The following DIS3L variants were observed in gnomAD, a reference collection of about 807,000 sequenced individuals.
DIS3L encodes DIS3-like exonuclease 1.
In DIS3L, 100 loss-of-function variants were observed where a neutral mutation model predicts 120.3. That is an observed-to-expected ratio of 0.83 (90% CI 0.71 to 0.98). The LOEUF is 0.98. Ranked by LOEUF, DIS3L falls within the 50% of genes least tolerant of loss-of-function variation. DIS3L has a pLI of 0.00. For missense variants in DIS3L, 1,196 were observed against 1,314.2 expected (o/e 0.91, Z 1.39); for synonymous variants, 426 against 470.6 (o/e 0.91, Z 1.23).
intron 12 of DIS3L, among the ~76,000 whole-genome samples, chr15:66,326,735 A>G (rs538566096): frequency 6.6e-6 from 1 of 152,012 alleles, no homozygotes; most frequent in East Asian, 1.9e-4. Context: ...ACACGCCACC[A>G]TGCCTGGCTA....
Position 66,325,989 on chromosome 15 carries a change from A to T in DIS3L, c.1826A>T (p.Glu609Val). The stretch of plus-strand genomic sequence containing the variant: ...TTAAGCGTTGTTGATGATATTCCAG[A>T]ATTCAAAGACTTGGATGAGAAGAGC... ...GNLSVVDDIP[E>V]FKDLDEKSRQ... The change falls in exon 12 of 17, where the codon GAA becomes GTA. Residue 609 changes from glutamate to valine, a missense_variant. By Grantham distance (121) the Glu-to-Val change is moderately radical. Coordinates refer to ENST00000319212, the MANE Select transcript of DIS3L (RefSeq NM_001143688.3). The T allele has an allele frequency of 1.2e-6, 2 of 1,614,192 alleles. No individual in the cohort carries two copies. The highest frequency in any genetic ancestry group is 1.7e-6 in the Non-Finnish European group (2 of 1,180,042).
chr15:66,300,599 A>G (rs573251342), intron 2 of DIS3L, among the ~76,000 whole-genome samples: 3 of 152,332 alleles, frequency 2.0e-5, no homozygotes, highest in Non-Finnish European at 4.4e-5. Flanking sequence ...CTCTAGAACT[A>G]GTGATAGATT....
At position 66,327,745 on chromosome 15, in the gene DIS3L, A is replaced by AAAAT. The variant is rs562993431; in HGVS notation, c.2202-1205_2202-1202dup. On this transcript the variant is annotated intron_variant, in intron 12 of 16. Coordinates refer to ENST00000319212, the MANE Select transcript of DIS3L (RefSeq NM_001143688.3). ...GGTGACAGAGCGAGACTCTGTCTCA[A>AAAAT]AAATAAATAAATAAATAAATAAAAA... 4.1e-3 allele frequency among the ~76,000 whole-genome samples: 630 copies of AAAAT among 152,104 alleles called. 2 individuals are homozygous for AAAAT. The highest frequency in any genetic ancestry group is 0.014 in the African/African-American group (570 of 41,466).
Position 66,314,103 on chromosome 15 carries a change from G to A in DIS3L, c.800G>A (p.Ser267Asn). 2.0e-6 allele frequency: 3 copies of A among 1,520,336 alleles called. No individual in the cohort carries two copies. Among genetic ancestry groups the A allele is most frequent in the Non-Finnish European group, 2.6e-6 (3 of 1,140,870 alleles). 94.2% of individuals were successfully genotyped at this position (1,520,336 alleles called of 1,614,324 possible). ...GCTTTTGTTCGACTTCAAGGAGCCA[G>A]CAGTAAAGATTCAGGTTCAGTATAA... ...IEAFVRLQGASSKDSDLVSDI... is the reference protein window; with the variant it reads ...IEAFVRLQGANSKDSDLVSDI... The change falls in exon 6 of 17, where the codon AGC becomes AAC. Residue 267 changes from serine to asparagine, a missense_variant. Physicochemically the swap from Ser to Asn is conservative, Grantham distance 46 (BLOSUM62 1). Transcript: ENST00000319212.
At position 66,293,725 on chromosome 15, in the gene DIS3L, C is replaced by CT; in HGVS notation, c.130dup (p.Cys44LeufsTer10). The CT allele has an allele frequency of 7.7e-7, 1 of 1,306,798 alleles. No individual in the cohort carries two copies. The highest frequency in any genetic ancestry group is 1.5e-5 in the African/African-American group (1 of 65,110). 81.0% of individuals were successfully genotyped at this position (1,306,798 alleles called of 1,614,324 possible). ...GCCCGCTCTGCCCGCAGCCCGCCGC[C>CT]TGCAGCCACGGTCAGGGCCGGGGCG... is the stretch of plus-strand genomic sequence containing the variant. On this transcript the variant is annotated frameshift_variant, in exon 1 of 17. Coordinates refer to ENST00000319212, the MANE Select transcript of DIS3L (RefSeq NM_001143688.3). LOFTEE classifies it high-confidence loss of function.
At chr15:66,330,915 G>A (rs1004018863) in intron 14 of DIS3L, among the ~76,000 whole-genome samples, 3 of 152,144 alleles carry the variant, frequency 2.0e-5, no homozygotes, top group South Asian at 2.1e-4. Context: ...AGCACTTTTC[G>A]AGGTCGAGGC....
rs183640854 is a variant in DIS3L, at chr15:66,327,523, C to T, written c.2201+1159C>T. Among the ~76,000 whole-genome samples the T allele has an allele frequency of 3.0e-3, 453 of 151,518 alleles. 1 individual carries two copies. Among genetic ancestry groups the T allele is most frequent in the African/African-American group, 0.01 (418 of 41,302 alleles). Reference sequence around the variant, plus strand: ...CTGTAATCCCAGTACTTTGGGAGGCCGAGGCGGGCAGATCACGAGGTCAGG... The same window carrying T: ...CTGTAATCCCAGTACTTTGGGAGGCTGAGGCGGGCAGATCACGAGGTCAGG... On this transcript the variant is annotated intron_variant, in intron 12 of 16. Transcript: ENST00000319212.
intron 14 of DIS3L, 187 bp from the exon 15 acceptor site, chr15:66,331,688 C>T: frequency 1.9e-6 from 1 of 529,638 alleles, no homozygotes; most frequent in Non-Finnish European, 2.9e-6. Context: ...AATTCATTTT[C>T]TAAGACATTT....
intron 11 of DIS3L, among the ~76,000 whole-genome samples, 193 bp downstream of exon 11, chr15:66,323,778 T>C (rs1202180444): frequency 6.6e-6 from 1 of 152,132 alleles, no homozygotes; most frequent in African/African-American, 2.4e-5. Flanking sequence ...TCTCTAGCCT[T>C]CCCTGCCCTT....
chr15:66,295,272 C>G (rs1455148960), intron 2 of DIS3L, 131 bp downstream of exon 2: 33 of 856,682 alleles, frequency 3.9e-5, no homozygotes, highest in Non-Finnish European at 5.5e-5. Context: ...ATTTCGTATT[C>G]TCTTTGATAG....
chr15:66,307,614 C>G (rs532781958), intron 3 of DIS3L, among the ~76,000 whole-genome samples: 1 of 152,282 alleles, frequency 6.6e-6, no homozygotes, highest in South Asian at 2.1e-4. Flanking sequence ...GCTCCTACTC[C>G]CAGTCTTATT....
chr15:66,321,763 C>CAAAA (rs35742157), intron 9 of DIS3L, among the ~76,000 whole-genome samples: 2 of 100,970 alleles, frequency 2.0e-5, no homozygotes, highest in African/African-American at 6.4e-5. Flanking sequence ...GAGACTGTCT[C>CAAAA]AAAAAAAAAA....
chr15:66,301,814 C>T (rs1052688143), intron 2 of DIS3L, among the ~76,000 whole-genome samples: 7 of 152,114 alleles, frequency 4.6e-5, no homozygotes, highest in African/African-American at 1.7e-4. Flanking sequence ...CAGAGTGATT[C>T]GCTGTTTGTT....
rs1411899771 is a variant in DIS3L at position 66,306,914 on chromosome 15, AC to A, written c.385del (p.Arg129GlyfsTer35). 2.5e-6 allele frequency: 4 copies of A among 1,614,074 alleles called. No individual in the cohort carries two copies. Among genetic ancestry groups the A allele is most frequent in the Non-Finnish European group, 3.4e-6 (4 of 1,179,954 alleles). On this transcript the variant is annotated frameshift_variant, in exon 3 of 17. Transcript: ENST00000319212. LOFTEE classifies it high-confidence loss of function. ...AATTCCAGCAATGCTGCTATCTGCC[AC>A]GGGAAAGAGGAGAGTCCATGGAGAA... Reference protein sequence around the residue: ...NEFQQCCYLPRERGESMEKWQ... With the variant: ...NEFQQCCYLPXERGESMEKWQ...
chr15:66,293,896 G>T (rs1300925811), intron 1 of DIS3L, 161 bp downstream of exon 1: 4 of 1,002,298 alleles, frequency 4.0e-6, no homozygotes, highest in East Asian at 1.1e-4. Flanking sequence ...GCTCTCTGCC[G>T]GTGGGGACCC....
intron 9 of DIS3L, among the ~76,000 whole-genome samples, chr15:66,321,711 A>G (rs1031583631): frequency 6.6e-6 from 1 of 151,166 alleles, no homozygotes; most frequent in African/African-American, 2.4e-5. Context: ...GGTTGCAGTG[A>G]GCCGAGATCG....
chr15:66,294,124 A>G (rs542135978), intron 1 of DIS3L: 2 of 985,610 alleles, frequency 2.0e-6, no homozygotes, highest in African/African-American at 1.7e-5. Flanking sequence ...CGGGAGCTAC[A>G]GGCCAGCTGC....
chr15:66,304,287 CA>C lies in DIS3L; in HGVS notation c.294-2529del, dbSNP rs923083649. The stretch of plus-strand genomic sequence containing the variant: ...GCAACATGACAAGACCCCGTCTCTA[CA>C]AAAAAAATACAAAAATTAGCCGAGC... On this transcript the variant is annotated intron_variant, in intron 2 of 16. Transcript: ENST00000319212. Among the ~76,000 whole-genome samples the C allele has an allele frequency of 1.5e-3, 226 of 150,624 alleles. 2 individuals carry two copies. The highest frequency in any genetic ancestry group is 1.4e-3 in the Non-Finnish European group (96 of 67,578).
chr15:66,295,106 A>G lies in DIS3L; in HGVS notation c.258A>G (p.Thr86=). 6.2e-7 allele frequency: 1 copy of G among 1,614,138 alleles called. No individual in the cohort carries two copies. The highest frequency in any genetic ancestry group is 8.5e-7 in the Non-Finnish European group (1 of 1,180,026). The part of the protein sequence containing the change: ...PELKGIIFMQ[T]ACQAVQHQRG... ...TGAAGGGAATTATTTTCATGCAGAC[A>G]GCTTGTCAAGCTGTGCAGCATCAAA... The change falls in exon 2 of 17, where the codon ACA becomes ACG. Residue 86 remains threonine, a synonymous_variant. Transcript: ENST00000319212.
Sources: gnomAD v4.1 joint callset for allele counts (sites outside exome capture counted in the v4.1 genomes callset) on GRCh38, gnomAD v4.1.1 for gene constraint, MANE v1.5 for transcripts, NCBI Gene and HGNC (gene_info 2026-07-23, HGNC 2026-07-21) for gene names.